AKAP6: variants seen among roughly 807,000 people sequenced by gnomAD.
AKAP6 encodes A-kinase anchoring protein 6.
AKAP6 carries 58 observed loss-of-function variants against 188.5 expected under a neutral mutation model. That is an observed-to-expected ratio of 0.31 (90% CI 0.25 to 0.38). The LOEUF is 0.38. AKAP6 is among the 10% of genes least tolerant of loss of function. AKAP6 has a pLI of 1.00. For synonymous variants in AKAP6, 989 were observed against 998.6 expected, an observed-to-expected ratio of 0.99 and a Z score of 0.18; for missense variants, 2,710 against 2,740.0, an observed-to-expected ratio of 0.99 and a Z score of 0.24.
chr14:32,433,142 A>T, intron 1 of AKAP6: 1 of 225,572 alleles, frequency 4.4e-6, no homozygotes, highest in South Asian at 7.2e-5. Flanking sequence ...GAGATAGGGA[A>T]TGTAGTTTTA....
At position 32,568,426 on chromosome 14, in the gene AKAP6, T is replaced by G. The variant is rs1473147797; in HGVS notation, c.2347-8694T>G. The stretch of plus-strand genomic sequence containing the variant: ...AGTTATTAGTAGGATAGATGGTAGA[T>G]GTACCTAAATGTTAAATATTGTTAA... On this transcript the variant is annotated intron_variant, in intron 4 of 13. Transcript: ENST00000280979. This position sits in a 1 kb window ranked among gnomAD's most constrained non-coding sequence, Gnocchi z 6.2. Among the ~76,000 whole-genome samples the G allele has an allele frequency of 6.6e-6, 1 of 152,194 alleles. No homozygotes were observed. The highest frequency in any genetic ancestry group is 1.5e-5 in the Non-Finnish European group (1 of 68,050).
At chr14:32,490,451 TC>T (rs1372679610) in intron 2 of AKAP6, among the ~76,000 whole-genome samples, 1 of 152,198 alleles carries the variant, frequency 6.6e-6, no homozygotes, top group Non-Finnish European at 1.5e-5. Context: ...AATGAATCAA[TC>T]CAACGTGGAT....
intron 13 of AKAP6, among the ~76,000 whole-genome samples, chr14:32,828,561 ACACACACACACT>A (rs2034742466): frequency 9.1e-5 from 13 of 143,270 alleles, no homozygotes; most frequent in African/African-American, 2.9e-4. Flanking sequence ...ACACACACAC[ACACACACACACT>A]CTCACACCCC....
chr14:32,464,193 G>GA (rs1878253770), intron 2 of AKAP6, among the ~76,000 whole-genome samples: 1 of 152,148 alleles, frequency 6.6e-6, no homozygotes, highest in South Asian at 2.1e-4. Flanking sequence ...CATTCCTTCT[G>GA]AAACTATTCC....
chr14:32,415,183 C>T lies in AKAP6; in HGVS notation c.-34-18277C>T, dbSNP rs1594591145. On this transcript the variant is annotated intron_variant, in intron 1 of 13. Coordinates refer to ENST00000280979, the MANE Select transcript of AKAP6 (RefSeq NM_004274.5). ...CTGGTACATAAGTCTCTCTTTAAGCCAATGGATGATGTCATCCTACAGTGC... is the reference window on the plus strand; with the variant it reads ...CTGGTACATAAGTCTCTCTTTAAGCTAATGGATGATGTCATCCTACAGTGC... Among the ~76,000 whole-genome samples, 8 of 152,238 alleles carry T rather than the reference C, an allele frequency of 5.3e-5. 2 individuals are homozygous for T. The highest frequency in any genetic ancestry group is 5.2e-4 in the Admixed American group (8 of 15,290).
chr14:32,594,193 A>G (rs1434602341), intron 5 of AKAP6, among the ~76,000 whole-genome samples: 3 of 152,170 alleles, frequency 2.0e-5, no homozygotes, highest in African/African-American at 7.2e-5. Flanking sequence ...TCCATTTTAT[A>G]TTTCAGAAAA....
chr14:32,400,563 CA>C lies in AKAP6; in HGVS notation c.-34-32881del, dbSNP rs71432051. On this transcript the variant is annotated intron_variant, in intron 1 of 13. Transcript: ENST00000280979. ...TTCAAGATATTTAGTCCACTTTTAGCAAAAAAAAAAAAAAAAGACAGTAAGC... is the reference window on the plus strand; with the variant it reads ...TTCAAGATATTTAGTCCACTTTTAGCAAAAAAAAAAAAAAAGACAGTAAGC... 2.4e-4 allele frequency among the ~76,000 whole-genome samples: 18 copies of C among 73,984 alleles called. 1 individual carries two copies. The highest frequency in any genetic ancestry group is 3.5e-4 in the African/African-American group (7 of 19,746). 48.5% of individuals were successfully genotyped at this position (73,984 alleles called of 152,430 possible).
chr14:32,822,075 A>C lies in AKAP6; in HGVS notation c.4262A>C (p.Lys1421Thr). 6.2e-7 allele frequency: 1 copy of C among 1,613,956 alleles called. No individual in the cohort carries two copies. Among genetic ancestry groups the C allele is most frequent in the South Asian group, 1.1e-5 (1 of 91,086 alleles). The change falls in exon 13 of 14, where the codon AAG becomes ACG. Residue 1421 changes from lysine (K) to threonine (T), a missense_variant. Lys to Thr is a moderately conservative substitution (Grantham distance 78). Around this residue, in one of 2 missense-constraint regions of AKAP6, gnomAD observed 2,473 missense variants for 2,426.1 expected, o/e 1.02. Transcript: ENST00000280979. ...QKFTDEGESI[K>T]LPNSSQSSIS... ...TTTACAGATGAGGGGGAAAGCATTA[A>C]GCTTCCAAATAGCTCTCAGTCGTCC... is the stretch of plus-strand genomic sequence containing the variant.
chr14:32,786,296 A>ATGGTTTTTT lies in AKAP6; in HGVS notation c.3588+12404_3588+12405insGGTTTTTTT. 2.6e-4 allele frequency among the ~76,000 whole-genome samples: 24 copies of ATGGTTTTTT among 93,704 alleles called. 1 individual carries two copies. Among genetic ancestry groups the ATGGTTTTTT allele is most frequent in the African/African-American group, 9.4e-4 (23 of 24,348 alleles). 61.5% of individuals were successfully genotyped at this position (93,704 alleles called of 152,430 possible). ...AGCCCTCTGAAAGACCTAAACCTTT[A>ATGGTTTTTT]TCTTTTTTTTTTTTTTTTTTTTTTT... On this transcript the variant is annotated intron_variant, in intron 12 of 13. Transcript: ENST00000280979.
chr14:32,757,456 A>C (rs1348758136), intron 11 of AKAP6, among the ~76,000 whole-genome samples: 1 of 152,178 alleles, frequency 6.6e-6, no homozygotes, highest in Non-Finnish European at 1.5e-5. Context: ...CTGGAATGCT[A>C]ACTGTTGGAT....
chr14:32,746,922 A>G (rs145541329), intron 11 of AKAP6, among the ~76,000 whole-genome samples: 20 of 152,344 alleles, frequency 1.3e-4, no homozygotes, highest in African/African-American at 4.8e-4. Context: ...ATTAAAATTT[A>G]TAGAACAGGG....
chr14:32,681,660 A>G (rs1014362012), intron 8 of AKAP6, among the ~76,000 whole-genome samples: 1 of 150,544 alleles, frequency 6.6e-6, no homozygotes, highest in African/African-American at 2.5e-5. Flanking sequence ...AAATTAACTC[A>G]TTCATTAATT....
intron 2 of AKAP6, among the ~76,000 whole-genome samples, chr14:32,488,255 T>G (rs542461406): frequency 4.3e-4 from 65 of 152,334 alleles, no homozygotes; most frequent in Non-Finnish European, 8.1e-4. Context: ...AGAGGCAGTC[T>G]GGCCACAGCA....
At chr14:32,591,411 CAT>C (rs569980172) in intron 5 of AKAP6, among the ~76,000 whole-genome samples, 386 of 145,792 alleles carry the variant, frequency 2.6e-3, no homozygotes, top group African/African-American at 9.0e-3. Flanking sequence ...TCTTGCATAA[CAT>C]ATTAGCCAGT....
At chr14:32,529,963 CTTTTTTTTTTTTT>C (rs11305618) in intron 2 of AKAP6, among the ~76,000 whole-genome samples, 2 of 62,018 alleles carry the variant, frequency 3.2e-5, no homozygotes, top group South Asian at 7.2e-4. Context: ...GGTAAAGAAA[CTTTTTTTTTTTTT>C]TTTTTTTTTT....
chr14:32,726,161 A>G (rs556853647), intron 9 of AKAP6: 2 of 982,950 alleles, frequency 2.0e-6, no homozygotes, highest in South Asian at 4.7e-5. Context: ...TAGACTTTTC[A>G]TTACATTTTC....
intron 1 of AKAP6, among the ~76,000 whole-genome samples, chr14:32,350,903 C>T (rs1887243268): frequency 6.6e-6 from 1 of 152,036 alleles, no homozygotes; most frequent in Non-Finnish European, 1.5e-5. Flanking sequence ...ATTCTAATAG[C>T]ACAGGTAAAT....
Position 32,600,800 on chromosome 14 carries a change from G to A in AKAP6, c.2730+8G>A. On this transcript the variant is annotated splice_region_variant and intron_variant, in intron 7 of 13. Coordinates refer to ENST00000280979, the MANE Select transcript of AKAP6 (RefSeq NM_004274.5). The stretch of plus-strand genomic sequence containing the variant: ...GGGACTGGAAGCCCCAAGGTAAGTG[G>A]CTTGAAGTTTGCCTTATTTCCTCTT... The A allele has an allele frequency of 6.3e-7, 1 of 1,590,404 alleles. No individual in the cohort carries two copies. Among genetic ancestry groups the A allele is most frequent in the East Asian group, 2.3e-5 (1 of 44,206 alleles).
In AKAP6 at chr14:32,821,777, A is replaced by G. The variant is rs2034527150; in HGVS notation, c.3964A>G (p.Lys1322Glu). Residue 1322 changes from lysine (K) to glutamate (E), a missense_variant, in exon 13 of 14, where the codon AAG becomes GAG. Physicochemically the swap from Lys to Glu is moderately conservative, Grantham distance 56. This residue lies in a region of AKAP6 where 2,473 missense variants were observed against 2,426.1 expected (regional missense o/e 1.02). Transcript: ENST00000280979. ...TGMTQPNVLTKSLSKDSSFSS... is the reference protein window; with the variant it reads ...TGMTQPNVLTESLSKDSSFSS... ...CATGACACAGCCTAATGTTTTAACTAAGAGTCTCAGTAAAGACTCTTCATT... is the reference window on the plus strand; with the variant it reads ...CATGACACAGCCTAATGTTTTAACTGAGAGTCTCAGTAAAGACTCTTCATT... The G allele has an allele frequency of 1.2e-6, 2 of 1,613,902 alleles. No homozygotes were observed. The highest frequency in any genetic ancestry group is 1.7e-6 in the Non-Finnish European group (2 of 1,179,944).
Sources: allele counts gnomAD v4.1 joint callset (sites outside exome capture counted in the v4.1 genomes callset), GRCh38; gene constraint gnomAD v4.1.1; regional missense constraint gnomAD v4.1.1; non-coding constraint Gnocchi (gnomAD v3.1); transcripts MANE v1.5; gene names NCBI Gene and HGNC (gene_info 2026-07-23, HGNC 2026-07-21).